The following TTC28 variants were observed in gnomAD, a reference collection of about 807,000 sequenced individuals.
TTC28 encodes tetratricopeptide repeat domain 28.
A neutral mutation model predicts 198.0 loss-of-function variants in TTC28; 61 were observed. The observed-to-expected ratio is 0.31, with a 90% CI of 0.25 to 0.38. The LOEUF (loss-of-function observed/expected upper bound fraction) is 0.38. Among genes scored for constraint, TTC28 ranks in the 10% least tolerant of loss-of-function variants. The probability of loss-of-function intolerance (pLI) is 1.00; values close to 1 mark genes in which losing one functional copy is unlikely to be tolerated. For synonymous variants in TTC28, 1,171 were observed against 1,297.8 expected (o/e 0.90, Z 2.10); for missense variants, 2,678 against 3,164.0 (o/e 0.85, Z 3.69).
At chr22:28,245,912 G>A (rs12170927) in intron 5 of TTC28, among the ~76,000 whole-genome samples, 129 of 152,208 alleles carry the variant, frequency 8.5e-4, no homozygotes, top group African/African-American at 2.6e-3. Context: ...TCATGAATAC[G>A]TCTTGAATTT....
At chr22:28,073,402 G>T (rs567050035) in intron 12 of TTC28, among the ~76,000 whole-genome samples, 78 of 152,236 alleles carry the variant, frequency 5.1e-4, no homozygotes, top group Non-Finnish European at 9.3e-4. Flanking sequence ...AACCAAGAGT[G>T]CCCATAGTTT....
intron 6 of TTC28, among the ~76,000 whole-genome samples, chr22:28,141,182 C>T (rs1321085897): frequency 1.3e-5 from 2 of 152,186 alleles, no homozygotes; most frequent in Non-Finnish European, 2.9e-5. Flanking sequence ...CTTACAGAGG[C>T]CTTCCTTGAC....
intron 17 of TTC28, among the ~76,000 whole-genome samples, chr22:27,994,874 G>A (rs916494975): frequency 2.0e-5 from 3 of 152,090 alleles, no homozygotes; most frequent in African/African-American, 7.2e-5. Flanking sequence ...GACTTCGGGG[G>A]TGACGGGACC....
chr22:28,392,584 G>T (rs1034364335), intron 2 of TTC28, among the ~76,000 whole-genome samples: 5 of 152,158 alleles, frequency 3.3e-5, no homozygotes, highest in Non-Finnish European at 7.3e-5. Flanking sequence ...CGCAGTATTC[G>T]GGTGGGAGTG....
chr22:28,189,369 A>G (rs984452113), intron 5 of TTC28, among the ~76,000 whole-genome samples: 2 of 152,184 alleles, frequency 1.3e-5, no homozygotes, highest in African/African-American at 4.8e-5. Context: ...CAAGGGAAAT[A>G]GGATTTTTTA....
chr22:28,073,652 A>T (rs1029844740), intron 12 of TTC28, among the ~76,000 whole-genome samples: 7 of 151,976 alleles, frequency 4.6e-5, no homozygotes, highest in African/African-American at 1.7e-4. Context: ...ACACACATCC[A>T]CTCCTGTGGG....
At chr22:28,408,481 C>T (rs548399451) in intron 2 of TTC28, among the ~76,000 whole-genome samples, 57 of 152,176 alleles carry the variant, frequency 3.7e-4, no homozygotes, top group African/African-American at 1.2e-3. Flanking sequence ...ACCTCTGCTG[C>T]GCAGGTTCAA....
chr22:28,475,290 C>A (rs937075993), intron 2 of TTC28, among the ~76,000 whole-genome samples: 1 of 152,028 alleles, frequency 6.6e-6, no homozygotes, highest in Non-Finnish European at 1.5e-5. Context: ...GGTCACAAGG[C>A]AGGAAACCAC....
chr22:28,360,664 T>G (rs1681609182), intron 2 of TTC28, among the ~76,000 whole-genome samples: 1 of 152,210 alleles, frequency 6.6e-6, no homozygotes, highest in Admixed American at 6.5e-5. Context: ...TTAGCTGATA[T>G]TCAAAATTGG....
chr22:28,337,958 T>A (rs1601652484), intron 2 of TTC28, among the ~76,000 whole-genome samples: 1 of 152,348 alleles, frequency 6.6e-6, no homozygotes, highest in East Asian at 1.9e-4. Flanking sequence ...CAATTTGGCA[T>A]GTTTTTGCAG....
intron 5 of TTC28, among the ~76,000 whole-genome samples, chr22:28,265,550 G>GTAAA (rs1931629103): frequency 6.6e-6 from 1 of 152,150 alleles, no homozygotes; most frequent in South Asian, 2.1e-4. Flanking sequence ...GAGAAGCTTA[G>GTAAA]TAAATGGGTG....
At position 28,306,383 on chromosome 22, in the gene TTC28, T is replaced by G. The variant is rs539815673; in HGVS notation, c.529+113A>C. The G allele has an allele frequency of 2.3e-6, 3 of 1,278,632 alleles. No individual in the cohort carries two copies. The Admixed American group carries it at 8.7e-5, about 37-fold the overall frequency. The allele number at this position is 1,278,632 out of a possible 1,614,324, so 79.2% of individuals were successfully genotyped here. On this transcript the variant is annotated intron_variant, in intron 3 of 22. Transcript: ENST00000397906. ...ATCTTCCTTGGTCTAAAATATCAAATCTTAGCAAATTTGATAACCTATCAA... is the reference window on the plus strand; with the variant it reads ...ATCTTCCTTGGTCTAAAATATCAAAGCTTAGCAAATTTGATAACCTATCAA...
At chr22:28,488,238 T>C (rs939860715) in intron 2 of TTC28, among the ~76,000 whole-genome samples, 1 of 152,182 alleles carries the variant, frequency 6.6e-6, no homozygotes, top group Admixed American at 6.5e-5. Flanking sequence ...AATGTAGACC[T>C]GCACCCTTCA....
chr22:28,172,168 T>TA (rs1922747945), intron 5 of TTC28, among the ~76,000 whole-genome samples: 1 of 152,136 alleles, frequency 6.6e-6, no homozygotes, highest in Non-Finnish European at 1.5e-5. Flanking sequence ...ACTATGGAGC[T>TA]AGTGTAGCTT....
intron 2 of TTC28, among the ~76,000 whole-genome samples, chr22:28,531,828 G>A (rs1314949291): frequency 6.6e-6 from 1 of 152,184 alleles, no homozygotes; most frequent in Non-Finnish European, 1.5e-5. Context: ...ATAACGAAAT[G>A]AAGGCAGAAG....
intron 12 of TTC28, among the ~76,000 whole-genome samples, chr22:28,060,685 A>G (rs1940492766): frequency 6.6e-6 from 1 of 152,220 alleles, no homozygotes; most frequent in South Asian, 2.1e-4. Flanking sequence ...GTCTTCCACA[A>G]TGGTTGAACT....
At chr22:28,044,049 T>C (rs1366979018) in intron 12 of TTC28, among the ~76,000 whole-genome samples, 3 of 152,188 alleles carry the variant, frequency 2.0e-5, no homozygotes, top group Non-Finnish European at 4.4e-5. Context: ...CTGTAGGGGC[T>C]AGCAGTGGGG....
chr22:28,233,643 T>C (rs1338704185), intron 5 of TTC28, among the ~76,000 whole-genome samples: 1 of 152,232 alleles, frequency 6.6e-6, no homozygotes, highest in Non-Finnish European at 1.5e-5. Flanking sequence ...ATTGTATTTG[T>C]TACAAGAGCA....
chr22:28,138,405 T>C (rs1160491393), intron 6 of TTC28, among the ~76,000 whole-genome samples: 1 of 152,208 alleles, frequency 6.6e-6, no homozygotes, highest in Non-Finnish European at 1.5e-5. Flanking sequence ...TAAAAAACAC[T>C]AAGCAAATGT....
Sources: allele counts gnomAD v4.1 joint callset (sites outside exome capture counted in the v4.1 genomes callset), GRCh38; gene constraint gnomAD v4.1.1; transcripts MANE v1.5; gene names NCBI Gene and HGNC (gene_info 2026-07-23, HGNC 2026-07-21).